MAGI1: variants seen among roughly 807,000 people sequenced by gnomAD.
MAGI1 encodes membrane-associated guanylate kinase, WW and PDZ domain-containing protein 1.
MAGI1 carries 58 observed loss-of-function variants against 139.9 expected under a neutral mutation model. The observed-to-expected ratio is 0.41, with a 90% CI of 0.34 to 0.52. The LOEUF (loss-of-function observed/expected upper bound fraction) is 0.52. MAGI1 is among the 20% of genes least tolerant of loss of function. The pLI, the probability that MAGI1 is intolerant of heterozygous loss-of-function variation, is 0.12. For synonymous variants in MAGI1, 812 were observed against 737.9 expected (o/e 1.10, Z -1.63); for missense variants, 1,874 against 1,901.6 (o/e 0.99, Z 0.27).
intron 1 of MAGI1, among the ~76,000 whole-genome samples, chr3:65,954,883 T>C (rs934314533): frequency 6.6e-6 from 1 of 152,194 alleles, no homozygotes; most frequent in Non-Finnish European, 1.5e-5. Flanking sequence ...TTGCTATTTG[T>C]GCAAATTCTG....
Position 65,440,047 on chromosome 3 carries a change from C to G in MAGI1, c.1137-35G>C, listed in dbSNP as rs367567046. 263 of 1,610,258 alleles carry G rather than the reference C, an allele frequency of 1.6e-4. No homozygotes were observed. In the African/African-American group the frequency reaches 3.3e-3, roughly 20 times the overall value. ...ATAGCAAATAGTATTCAGCTTGAAA[C>G]AGTTCATCCCACCAGCAAAATGCCA... On this transcript the variant is annotated intron_variant, in intron 8 of 22. Coordinates refer to ENST00000402939, the MANE Select transcript of MAGI1 (RefSeq NM_001033057.2).
intron 10 of MAGI1, among the ~76,000 whole-genome samples, chr3:65,431,210 C>T (rs926212736): frequency 2.6e-5 from 4 of 152,182 alleles, no homozygotes; most frequent in African/African-American, 4.8e-5. Flanking sequence ...CAAACCCCTT[C>T]ACAGAAAATG....
At chr3:65,955,614 T>C (rs2064085119) in intron 1 of MAGI1, among the ~76,000 whole-genome samples, 7 of 152,156 alleles carry the variant, frequency 4.6e-5, no homozygotes, top group Admixed American at 4.6e-4. Context: ...TGCAAAACCA[T>C]ATAACATTTT....
intron 2 of MAGI1, among the ~76,000 whole-genome samples, chr3:65,615,100 T>C (rs560303544): frequency 2.6e-5 from 4 of 151,480 alleles, no homozygotes; most frequent in Admixed American, 2.6e-4. Context: ...GGAGTATCAA[T>C]AGAAGTAACT....
intron 2 of MAGI1, among the ~76,000 whole-genome samples, chr3:65,527,909 GAA>G (rs754762438): frequency 5.3e-5 from 7 of 133,028 alleles, no homozygotes; most frequent in African/African-American, 1.9e-4. Flanking sequence ...TCCATCTCAG[GAA>G]AAAAAAAAAA....
chr3:65,771,414 T>C (rs919926122), intron 1 of MAGI1, among the ~76,000 whole-genome samples: 1 of 151,996 alleles, frequency 6.6e-6, no homozygotes, highest in Non-Finnish European at 1.5e-5. Context: ...TTATTTCAGG[T>C]AGTATAGCAC....
intron 1 of MAGI1, among the ~76,000 whole-genome samples, chr3:65,948,232 C>G (rs1288331817): frequency 6.6e-6 from 1 of 152,178 alleles, no homozygotes; most frequent in Admixed American, 6.6e-5. Flanking sequence ...GCATGAGCCA[C>G]TGCACCCAGC....
intron 1 of MAGI1, among the ~76,000 whole-genome samples, chr3:66,009,547 C>A (rs1052158474): frequency 5.3e-5 from 8 of 152,014 alleles, no homozygotes; most frequent in African/African-American, 1.9e-4. Context: ...AATTCAAGAC[C>A]TGGTTCTACC....
chr3:65,669,142 G>T (rs531280409), intron 1 of MAGI1, among the ~76,000 whole-genome samples: 1 of 152,174 alleles, frequency 6.6e-6, no homozygotes, highest in East Asian at 1.9e-4. Context: ...TCACCATCTT[G>T]GCCAGGCTGG....
chr3:65,894,460 T>C (rs961669535), intron 1 of MAGI1, among the ~76,000 whole-genome samples: 5 of 152,180 alleles, frequency 3.3e-5, no homozygotes, highest in Non-Finnish European at 2.9e-5. Context: ...ACCAAAAATA[T>C]GCTAAAAGGA....
intron 2 of MAGI1, among the ~76,000 whole-genome samples, chr3:65,533,648 T>C (rs1258839419): frequency 6.6e-6 from 1 of 152,204 alleles, no homozygotes; most frequent in Non-Finnish European, 1.5e-5. Context: ...GAAAGTGACA[T>C]GTAGAATTCT....
intron 1 of MAGI1, chr3:65,902,700 G>A (rs969361096): frequency 1.3e-5 from 2 of 152,562 alleles, no homozygotes; most frequent in Admixed American, 6.6e-5. Flanking sequence ...GTCTCTGCTC[G>A]TACCTGAATG....
chr3:65,501,008 C>G (rs763760472), intron 2 of MAGI1, among the ~76,000 whole-genome samples: 7 of 152,164 alleles, frequency 4.6e-5, no homozygotes, highest in Non-Finnish European at 1.0e-4. Context: ...AGCTAGAGCA[C>G]AGTAGAATGT....
intron 1 of MAGI1, among the ~76,000 whole-genome samples, chr3:65,818,086 C>T (rs2041724899): frequency 6.7e-6 from 1 of 150,246 alleles, no homozygotes; most frequent in Non-Finnish European, 1.5e-5. Context: ...CTTTGACTTT[C>T]CTTTGTTAAA....
intron 1 of MAGI1, among the ~76,000 whole-genome samples, chr3:65,961,378 C>A (rs1300037130): frequency 6.6e-6 from 1 of 152,172 alleles, no homozygotes; most frequent in Non-Finnish European, 1.5e-5. Context: ...GTAACTACAA[C>A]TGTTATTTTC....
chr3:65,889,192 C>G (rs532642530), intron 1 of MAGI1, among the ~76,000 whole-genome samples: 3 of 152,274 alleles, frequency 2.0e-5, no homozygotes, highest in Admixed American at 1.3e-4. Flanking sequence ...TTCAGTTGAC[C>G]TGGCTGATAT....
intron 1 of MAGI1, among the ~76,000 whole-genome samples, chr3:65,912,114 C>G (rs1374511437): frequency 6.6e-6 from 1 of 151,862 alleles, no homozygotes; most frequent in African/African-American, 2.4e-5. Flanking sequence ...TGTCATCTCT[C>G]GAGTCTAGAT....
Position 65,505,734 on chromosome 3 carries a change from G to A in MAGI1, c.431-12103C>T, listed in dbSNP as rs11708344. On this transcript the variant is annotated intron_variant, in intron 2 of 22. Transcript: ENST00000402939. ...AATGAACATTATTTAAAATTACATC[G>A]TTTCAATGGTTGCACAGTTCTGTGC... Among the ~76,000 whole-genome samples, 552 of 151,264 alleles carry A rather than the reference G, an allele frequency of 3.6e-3. 2 individuals carry two copies. Among genetic ancestry groups the A allele is most frequent in the Non-Finnish European group, 4.2e-3 (287 of 67,868 alleles).
chr3:65,734,446 T>A (rs570492173), intron 1 of MAGI1, among the ~76,000 whole-genome samples: 3 of 117,020 alleles, frequency 2.6e-5, no homozygotes, highest in South Asian at 2.5e-4. Flanking sequence ...GGCAACAGAG[T>A]GAGACCCTGT....
Sources: gnomAD v4.1 joint callset for allele counts (sites outside exome capture counted in the v4.1 genomes callset) on GRCh38, gnomAD v4.1.1 for gene constraint, MANE v1.5 for transcripts, NCBI Gene and HGNC (gene_info 2026-07-23, HGNC 2026-07-21) for gene names.